Variants in DGKZ observed in about 807,000 individuals in gnomAD.
The protein encoded by DGKZ is DAG kinase zeta.
Under a neutral mutation model 142.5 loss-of-function variants are expected in DGKZ, and 45 were observed. That is an observed-to-expected ratio of 0.32 (90% CI 0.25 to 0.40). DGKZ has a LOEUF of 0.40. DGKZ is among the 10% of genes least tolerant of loss of function. The probability of loss-of-function intolerance (pLI) is 1.00; values close to 1 mark genes in which losing one functional copy is unlikely to be tolerated. For missense variants in DGKZ, 755 were observed against 1,306.5 expected (o/e 0.58, Z 6.51); for synonymous variants, 442 against 527.0 (o/e 0.84, Z 2.21).
chr11:46,367,546 G>C lies in DGKZ; in HGVS notation c.271-106G>C, dbSNP rs954702050. On this transcript the variant is annotated intron_variant, in intron 2 of 30. Coordinates refer to ENST00000527911, the Ensembl canonical transcript of DGKZ. The surrounding 1 kb of genome is among the most constrained non-coding windows in gnomAD (Gnocchi z 4.1). Reference sequence around the variant, plus strand: ...CAGACGGAACAGAGCAGGGTCGATCGGGGCGCTGGAGTGGGTTTGTCTTGG... The same window carrying C: ...CAGACGGAACAGAGCAGGGTCGATCCGGGCGCTGGAGTGGGTTTGTCTTGG... 49 of 1,276,686 alleles carry C rather than the reference G, an allele frequency of 3.8e-5. No individual in the cohort carries two copies. In the East Asian group the frequency reaches 8.7e-4, roughly 23 times the overall value. The allele number at this position is 1,276,686 out of a possible 1,614,324, so 79.1% of individuals were successfully genotyped here. A position where few individuals can be genotyped will look rare whatever the true frequency, so the allele number is the denominator to read the frequency against.
upstream of DGKZ, among the ~76,000 whole-genome samples, chr11:46,347,133 TC>T (rs1448936477): frequency 6.6e-6 from 1 of 152,120 alleles, no homozygotes; most frequent in Non-Finnish European, 1.5e-5. The surrounding 1 kb of genome is among the most constrained non-coding windows in gnomAD (Gnocchi z 6.4). Flanking sequence ...ACAGCAGCCC[TC>T]GCGAGTGTAC....
At chr11:46,333,514 C>G (rs767563675) in intron 1 of DGKZ, 1 of 1,535,468 alleles carries the variant, frequency 6.5e-7, no homozygotes, top group South Asian at 1.2e-5. Flanking sequence ...CAGAGGGGAG[C>G]GCGGCGCTTG....
chr11:46,361,289 C>T (rs1942617798), intron 1 of DGKZ, among the ~76,000 whole-genome samples: 1 of 152,230 alleles, frequency 6.6e-6, no homozygotes, highest in Non-Finnish European at 1.5e-5. Flanking sequence ...GGGCCTGGCT[C>T]CCACTTCTCC....
upstream of DGKZ, chr11:46,345,726 T>G (rs1021330298): frequency 2.3e-6 from 2 of 861,208 alleles, no homozygotes; most frequent in Non-Finnish European, 3.4e-6. This position sits in a 1 kb window ranked among gnomAD's most constrained non-coding sequence, Gnocchi z 4.1. Context: ...GGCAAAGGAG[T>G]TATTGGCAGG....
chr11:46,378,537 C>G (rs1565088024), intron 27 of DGKZ, 37 bp downstream of exon 27: 2 of 1,612,908 alleles, frequency 1.2e-6, no homozygotes, highest in Middle Eastern at 1.6e-4. Context: ...CCCCCAGCAG[C>G]TCCCTCGGGC....
At chr11:46,375,861 G>A in exon 21 of DGKZ, 1 of 1,563,220 alleles carries the variant, frequency 6.4e-7, no homozygotes, top group Non-Finnish European at 8.7e-7. Flanking sequence ...CCAGCAGCCG[G>A]TGCCAGAGCA....
chr11:46,351,027 C>T (rs1373736790), intron 1 of DGKZ, among the ~76,000 whole-genome samples: 2 of 152,006 alleles, frequency 1.3e-5, no homozygotes, highest in African/African-American at 2.4e-5. Context: ...ATTTAGTTTT[C>T]CTCTACCCTG....
upstream of DGKZ, among the ~76,000 whole-genome samples, chr11:46,344,702 C>T (rs557381143): frequency 3.1e-3 from 473 of 152,270 alleles, 6 homozygotes; most frequent in African/African-American, 0.011. Context: ...GATCTGCCCA[C>T]CTCGGCCTCC....
At position 46,367,370 on chromosome 11, in the gene DGKZ, C is replaced by A; in HGVS notation, c.241C>A (p.Arg81=). ...TGGGGCCCCGTGCAGCGAGTCAGAG[C>A]GGCAGATCCGGAGTACAGTGGACTG... The change falls in exon 2 of 31, where the codon CGG becomes AGG. Residue 81 remains arginine (R), a synonymous_variant. Coordinates refer to ENST00000527911, the Ensembl canonical transcript of DGKZ. This position sits in a 1 kb window ranked among gnomAD's most constrained non-coding sequence, Gnocchi z 4.1. 6.2e-7 allele frequency: 1 copy of A among 1,613,156 alleles called. No individual in the cohort carries two copies. The highest frequency in any genetic ancestry group is 8.5e-7 in the Non-Finnish European group (1 of 1,179,990).
Position 46,378,541 on chromosome 11 carries a change from C to T in DGKZ, c.2418+41C>T, listed in dbSNP as rs768081517. 15 of 1,612,736 alleles carry T rather than the reference C, an allele frequency of 9.3e-6. No homozygotes were observed. The Admixed American group carries it at 2.2e-4, about 23-fold the overall frequency. On this transcript the variant is annotated intron_variant, in intron 27 of 30. Coordinates refer to ENST00000527911, the Ensembl canonical transcript of DGKZ. ...TCCAGTTCCTTCCCCCAGCAGCTCC[C>T]TCGGGCCCTGGGGAGCGAGGCCTCT... is the stretch of plus-strand genomic sequence containing the variant.
In DGKZ at chr11:46,369,921, T is replaced by G. The variant is rs749514297; in HGVS notation, c.502-20T>G. 6.2e-7 allele frequency: 1 copy of G among 1,613,272 alleles called. No individual in the cohort carries two copies. Among genetic ancestry groups the G allele is most frequent in the Non-Finnish European group, 8.5e-7 (1 of 1,179,608 alleles). ...CCTGCCCACCCCTCACCCAGTGAAA[T>G]TTTTCCCCTTCTCCCCCAGCCAACC... On this transcript the variant is annotated intron_variant, in intron 5 of 30. Transcript: ENST00000527911.
intron 27 of DGKZ, 192 bp from the exon 28 acceptor site, chr11:46,378,799 A>C (rs775590147): frequency 7.9e-6 from 8 of 1,017,504 alleles, no homozygotes; most frequent in Admixed American, 4.1e-5. Flanking sequence ...CAGAGAGCCC[A>C]CAGGCTGTGG....
chr11:46,361,488 G>T, intron 1 of DGKZ: 1 of 338,086 alleles, frequency 3.0e-6, no homozygotes, highest in Middle Eastern at 1.5e-3. Context: ...AGCCGCTGCT[G>T]GGAGAGGAAG....
intron 1 of DGKZ, among the ~76,000 whole-genome samples, chr11:46,360,880 T>TG (rs1175854605): frequency 1.3e-5 from 2 of 151,992 alleles, no homozygotes; most frequent in Non-Finnish European, 2.9e-5. Flanking sequence ...GACTGGGAGT[T>TG]GGGGGGGTGG....
At chr11:46,353,546 C>A (rs552036306) in intron 1 of DGKZ, among the ~76,000 whole-genome samples, 1 of 152,172 alleles carries the variant, frequency 6.6e-6, no homozygotes, top group Non-Finnish European at 1.5e-5. Flanking sequence ...ATGTGGCGTC[C>A]GGGCTGGGTC....
chr11:46,376,193 A>T, intron 22 of DGKZ, 48 bp downstream of exon 22: 1 of 1,607,638 alleles, frequency 6.2e-7, no homozygotes, highest in Non-Finnish European at 8.5e-7. Context: ...GGTGGTGGGA[A>T]GTGAGGCCAG....
chr11:46,379,801 C>T (rs1333454232), intron 30 of DGKZ, 30 bp from the exon 31 acceptor site: 1 of 1,584,924 alleles, frequency 6.3e-7, no homozygotes, highest in Non-Finnish European at 8.6e-7. Context: ...GCCTCTGGCC[C>T]CTGCTGATCG....
At chr11:46,366,037 A>G (rs1943204840) in intron 1 of DGKZ, 5 of 985,052 alleles carry the variant, frequency 5.1e-6, no homozygotes, top group African/African-American at 1.8e-5. Context: ...TCCCCTGAGC[A>G]CCCCTGGGAT....
chr11:46,341,012 G>T (rs553136812), intron 1 of DGKZ, among the ~76,000 whole-genome samples: 11 of 152,336 alleles, frequency 7.2e-5, no homozygotes, highest in African/African-American at 2.6e-4. Context: ...GCCAGGTGTG[G>T]TGGGACATAC....
Sources: allele counts gnomAD v4.1 joint callset (sites outside exome capture counted in the v4.1 genomes callset), GRCh38; gene constraint gnomAD v4.1.1; non-coding constraint Gnocchi (gnomAD v3.1); transcripts MANE v1.5; gene names NCBI Gene and HGNC (gene_info 2026-07-23, HGNC 2026-07-21).